Variants in PUS10 observed in about 807,000 individuals in gnomAD.
PUS10 encodes the protein pseudouridine synthase 10.
In PUS10, 59 loss-of-function variants were observed where a neutral mutation model predicts 75.0. The observed-to-expected ratio is 0.79, with a 90% CI of 0.64 to 0.98. PUS10 has a LOEUF of 0.98. Among genes scored for constraint, PUS10 ranks in the 50% least tolerant of loss-of-function variants. The pLI is 0.00. For synonymous variants in PUS10, 219 were observed against 211.6 expected (o/e 1.03, Z -0.30); for missense variants, 650 against 614.4 (o/e 1.06, Z -0.61).
chr2:60,950,137 T>C (rs1415609556), intron 15 of PUS10, among the ~76,000 whole-genome samples: 1 of 152,226 alleles, frequency 6.6e-6, no homozygotes, highest in Non-Finnish European at 1.5e-5. Context: ...CAAAGGGTCT[T>C]AGCTATAGAA....
At chr2:60,946,342 C>T (rs1178282159) in intron 16 of PUS10, among the ~76,000 whole-genome samples, 1 of 152,136 alleles carries the variant, frequency 6.6e-6, no homozygotes, top group Non-Finnish European at 1.5e-5. Context: ...TAATATACTT[C>T]TGTGTATAAC....
intron 4 of PUS10, among the ~76,000 whole-genome samples, chr2:60,996,833 C>A (rs1678497211): frequency 6.6e-6 from 1 of 152,140 alleles, no homozygotes; most frequent in South Asian, 2.1e-4. Flanking sequence ...CATTAACTGT[C>A]AGAGATTAAA....
chr2:60,953,812 C>T, intron 14 of PUS10, 121 bp downstream of exon 14: 1 of 726,736 alleles, frequency 1.4e-6, no homozygotes, highest in Admixed American at 2.4e-5. Context: ...AATCATTTCC[C>T]CATTTGTAGT....
chr2:61,015,265 C>A (rs894481148), intron 1 of PUS10, among the ~76,000 whole-genome samples: 1 of 152,050 alleles, frequency 6.6e-6, no homozygotes. Context: ...TTTGGGAGGC[C>A]GAGGCAGGCA....
chr2:60,949,399 C>G (rs1033624601), intron 15 of PUS10, among the ~76,000 whole-genome samples: 1 of 152,166 alleles, frequency 6.6e-6, no homozygotes, highest in Admixed American at 6.5e-5. Flanking sequence ...GTACTTTGAC[C>G]ATGAGACAGT....
At chr2:60,945,673 T>C (rs1031493479) in intron 16 of PUS10, among the ~76,000 whole-genome samples, 3 of 152,324 alleles carry the variant, frequency 2.0e-5, no homozygotes, top group African/African-American at 7.2e-5. Flanking sequence ...GCTAACATGG[T>C]TAGCAAAAGA....
At chr2:61,003,099 A>G (rs1239653792) in intron 4 of PUS10, among the ~76,000 whole-genome samples, 2 of 152,216 alleles carry the variant, frequency 1.3e-5, no homozygotes, top group Non-Finnish European at 2.9e-5. Flanking sequence ...TTATTATACT[A>G]ACTGTGAACA....
chr2:60,977,595 T>A (rs1415449281), intron 4 of PUS10, among the ~76,000 whole-genome samples: 1 of 152,236 alleles, frequency 6.6e-6, no homozygotes, highest in African/African-American at 2.4e-5. Flanking sequence ...GAGGAAAATA[T>A]GTCTTGTGCT....
intron 4 of PUS10, among the ~76,000 whole-genome samples, chr2:60,993,168 G>T (rs1401728541): frequency 6.6e-6 from 1 of 152,090 alleles, no homozygotes; most frequent in African/African-American, 2.4e-5. Context: ...AATTATGAAA[G>T]TGTCCAGGCC....
At position 61,018,161 on chromosome 2, in the gene PUS10, G is replaced by T. The variant is rs1293352037; in HGVS notation, c.-169C>A. The T allele has an allele frequency of 6.4e-7, 1 of 1,550,756 alleles. No homozygotes were observed. On this transcript the variant is annotated 5_prime_UTR_variant, in exon 1 of 18. The change creates a new upstream start codon in the 5' untranslated region. Transcript: ENST00000316752. ...TACCGCTTCTGTTTTCACTTTGACA[G>T]AATGGCTTCTCTATCTTTAAAGCGT... is the stretch of plus-strand genomic sequence containing the variant.
chr2:60,963,822 A>C (rs914910898), intron 8 of PUS10, among the ~76,000 whole-genome samples: 2 of 152,236 alleles, frequency 1.3e-5, no homozygotes, highest in Admixed American at 1.3e-4. Context: ...TTCAGACTCT[A>C]CAACTCCCAC....
At chr2:60,989,280 TCC>T (rs989359076) in intron 4 of PUS10, among the ~76,000 whole-genome samples, 9 of 152,064 alleles carry the variant, frequency 5.9e-5, no homozygotes, top group African/African-American at 1.9e-4. Flanking sequence ...GATTCTCAGA[TCC>T]CCTACCCCAC....
chr2:60,943,473 A>T (rs1208502729), intron 17 of PUS10, among the ~76,000 whole-genome samples: 1 of 32,586 alleles, frequency 3.1e-5, no homozygotes, highest in Non-Finnish European at 1.4e-4. Flanking sequence ...GAGAAAGTTA[A>T]AAAAAAAAAA....
At chr2:61,013,468 T>C (rs565143461) in intron 1 of PUS10, among the ~76,000 whole-genome samples, 44 of 152,218 alleles carry the variant, frequency 2.9e-4, no homozygotes, top group Non-Finnish European at 2.6e-4. Context: ...CTATGTGCCA[T>C]CCATACTTTG....
At chr2:61,010,889 C>G (rs1252330238) in intron 2 of PUS10, 7 of 1,549,272 alleles carry the variant, frequency 4.5e-6, no homozygotes, top group Non-Finnish European at 5.2e-6. Flanking sequence ...GTTTCTTCAT[C>G]TGAAAATAGA....
intron 4 of PUS10, among the ~76,000 whole-genome samples, chr2:60,980,840 T>C (rs1038288308): frequency 6.6e-6 from 1 of 152,208 alleles, no homozygotes; most frequent in Non-Finnish European, 1.5e-5. Flanking sequence ...TCAAAAAAAT[T>C]AAATTGTTAT....
In PUS10 at chr2:61,011,802, C is replaced by T; in HGVS notation, c.89G>A (p.Gly30Asp). The change falls in exon 2 of 18, where the codon GGT becomes GAT. Residue 30 changes from glycine (G) to aspartate (D), a missense_variant. Transcript: ENST00000316752. ...TTTGTAAGGTGCATGAAAATCCACACCACAGAATCTGAAGATACATCTTGG... is the reference window on the plus strand; with the variant it reads ...TTTGTAAGGTGCATGAAAATCCACATCACAGAATCTGAAGATACATCTTGG... The part of the protein sequence containing the change: ...TCPRCIFRFC[G>D]VDFHAPYKLP... The T allele has an allele frequency of 6.2e-7, 1 of 1,607,954 alleles. No homozygotes were observed. The highest frequency in any genetic ancestry group is 8.5e-7 in the Non-Finnish European group (1 of 1,177,186).
chr2:60,982,811 T>A (rs1251592375), intron 4 of PUS10, among the ~76,000 whole-genome samples: 1 of 152,020 alleles, frequency 6.6e-6, no homozygotes, highest in Non-Finnish European at 1.5e-5. Flanking sequence ...TATGTAAATA[T>A]CCTAAATAAA....
At chr2:61,005,732 G>A (rs746474045) in intron 4 of PUS10, among the ~76,000 whole-genome samples, 6 of 152,148 alleles carry the variant, frequency 3.9e-5, no homozygotes, top group Admixed American at 6.5e-5. Flanking sequence ...CAGCAACACA[G>A]ATACTATATA....
Sources: gnomAD v4.1 joint callset for allele counts (sites outside exome capture counted in the v4.1 genomes callset) on GRCh38, gnomAD v4.1.1 for gene constraint, MANE v1.5 for transcripts, NCBI Gene and HGNC (gene_info 2026-07-23, HGNC 2026-07-21) for gene names.